CEP112: variants seen among roughly 807,000 people sequenced by gnomAD.
The protein encoded by CEP112 is centrosomal protein 112.
In CEP112, 127 loss-of-function variants were observed where a neutral mutation model predicts 153.0. The ratio of observed to expected loss-of-function variants is 0.83; its 90% confidence interval spans 0.72 to 0.96. The LOEUF is 0.96. Among genes scored for constraint, CEP112 ranks in the 40% least tolerant of loss-of-function variants. The probability of loss-of-function intolerance (pLI) is 0.00; values close to 1 mark genes in which losing one functional copy is unlikely to be tolerated. For synonymous variants in CEP112, 358 were observed against 374.4 expected, an observed-to-expected ratio of 0.96 and a Z score of 0.51; for missense variants, 1,089 against 1,101.2, an observed-to-expected ratio of 0.99 and a Z score of 0.16.
At chr17:66,175,631 G>T (rs2072438520) in intron 3 of CEP112, among the ~76,000 whole-genome samples, 1 of 152,144 alleles carries the variant, frequency 6.6e-6, no homozygotes, top group African/African-American at 2.4e-5. Context: ...TGCAACCCAG[G>T]AATTAAAATT....
chr17:66,028,950 C>A (rs11651749), intron 14 of CEP112, among the ~76,000 whole-genome samples, 173 bp downstream of exon 14: 78,167 of 151,854 alleles, frequency 0.51, 21,033 homozygotes, highest in African/African-American at 0.59. Context: ...GTAGACATTT[C>A]GAATTTTAAA....
chr17:65,847,898 G>A (rs983231785), intron 21 of CEP112, among the ~76,000 whole-genome samples: 22 of 152,300 alleles, frequency 1.4e-4, no homozygotes, highest in Non-Finnish European at 1.8e-4. Flanking sequence ...GGAAGAGGGT[G>A]ACAGCAGCTG....
At chr17:65,767,071 C>T (rs1308442211) in intron 21 of CEP112, among the ~76,000 whole-genome samples, 1 of 152,126 alleles carries the variant, frequency 6.6e-6, no homozygotes, top group African/African-American at 2.4e-5. Context: ...TTCTATCCAA[C>T]AGCAACAAAA....
intron 1 of CEP112, among the ~76,000 whole-genome samples, chr17:66,186,585 A>G (rs116873022): frequency 0.034 from 5,192 of 152,214 alleles, 131 homozygotes; most frequent in Middle Eastern, 0.061. Context: ...CACCATGCCC[A>G]GCTGCCTCTT....
intron 17 of CEP112, among the ~76,000 whole-genome samples, chr17:65,990,976 A>G (rs1199782774): frequency 1.3e-5 from 2 of 152,168 alleles, no homozygotes; most frequent in Non-Finnish European, 2.9e-5. Flanking sequence ...CCTGCTAACT[A>G]AAGAGCCTCT....
intron 6 of CEP112, among the ~76,000 whole-genome samples, chr17:66,112,949 A>G (rs2069125124): frequency 6.6e-6 from 1 of 151,964 alleles, no homozygotes; most frequent in South Asian, 2.1e-4. Context: ...CTGTCTCATA[A>G]TCCCAGCTAC....
chr17:65,636,967 T>G, intron 26 of CEP112, 157 bp downstream of exon 26: 2 of 615,680 alleles, frequency 3.2e-6, no homozygotes, highest in East Asian at 2.8e-5. Flanking sequence ...AGAAGGGGGG[T>G]GACTTCTTAA....
At chr17:65,948,016 A>G (rs1334234327) in intron 18 of CEP112, among the ~76,000 whole-genome samples, 2 of 152,166 alleles carry the variant, frequency 1.3e-5, no homozygotes, top group Non-Finnish European at 2.9e-5. Context: ...TTCTTATCCA[A>G]TGACACATAA....
intron 22 of CEP112, among the ~76,000 whole-genome samples, chr17:65,744,964 T>C (rs991178775): frequency 6.6e-6 from 1 of 152,190 alleles, no homozygotes; most frequent in Non-Finnish European, 1.5e-5. Context: ...GGACAAGTTA[T>C]CTTTCTTGAA....
chr17:66,059,940 T>C (rs568506615), intron 11 of CEP112, among the ~76,000 whole-genome samples: 8 of 152,202 alleles, frequency 5.3e-5, no homozygotes, highest in African/African-American at 1.4e-4. Context: ...ATGTGGTACA[T>C]ATACACCATG....
intron 4 of CEP112, among the ~76,000 whole-genome samples, chr17:66,147,704 T>C (rs2070983466): frequency 6.6e-6 from 1 of 152,164 alleles, no homozygotes; most frequent in Non-Finnish European, 1.5e-5. Flanking sequence ...AAAGTGAGAG[T>C]CCAACTTAAT....
At chr17:66,058,669 G>A (rs1054831719) in intron 11 of CEP112, among the ~76,000 whole-genome samples, 4 of 152,030 alleles carry the variant, frequency 2.6e-5, no homozygotes, top group African/African-American at 9.7e-5. Context: ...GGGCAACATA[G>A]TGAGACCCCA....
chr17:66,016,269 A>G (rs1331753727), intron 16 of CEP112, among the ~76,000 whole-genome samples: 2 of 152,140 alleles, frequency 1.3e-5, no homozygotes, highest in African/African-American at 4.8e-5. Flanking sequence ...GCTTTCCCAC[A>G]GACTCCATTT....
intron 21 of CEP112, among the ~76,000 whole-genome samples, chr17:65,769,418 AC>A (rs1300151817): frequency 3.4e-5 from 5 of 147,542 alleles, no homozygotes; most frequent in African/African-American, 5.0e-5. Context: ...AGAAAAAAAA[AC>A]CTAAAATTCA....
chr17:65,815,984 C>T (rs2056241294), intron 21 of CEP112, among the ~76,000 whole-genome samples: 1 of 151,818 alleles, frequency 6.6e-6, no homozygotes, highest in Non-Finnish European at 1.5e-5. Context: ...CTTTTTCTTG[C>T]CTTGTTGCAC....
intron 23 of CEP112, among the ~76,000 whole-genome samples, chr17:65,737,798 G>A (rs895675760): frequency 2.6e-5 from 4 of 152,180 alleles, no homozygotes; most frequent in Admixed American, 6.5e-5. Context: ...TATCTCAGTC[G>A]CTTACTGAAT....
intron 19 of CEP112, among the ~76,000 whole-genome samples, chr17:65,919,597 C>A (rs555012591): frequency 3.9e-5 from 6 of 152,076 alleles, no homozygotes; most frequent in Non-Finnish European, 8.8e-5. Flanking sequence ...TCAGAGAAGT[C>A]GGTCTGTCAA....
chr17:65,666,050 T>G (rs550023640), intron 24 of CEP112, among the ~76,000 whole-genome samples: 1 of 152,320 alleles, frequency 6.6e-6, no homozygotes, highest in South Asian at 2.1e-4. Flanking sequence ...CTTGCCTACT[T>G]TCTGAATTAA....
chr17:65,913,751 C>A lies in CEP112; in HGVS notation c.1981-11417G>T. 3.0e-6 allele frequency: 3 copies of A among 985,442 alleles called. No individual in the cohort carries two copies. The South Asian group carries it at 1.4e-4, about 46-fold the overall frequency. The allele number at this position is 985,442 out of a possible 1,614,324, so 61.0% of individuals were successfully genotyped here. A position where few individuals can be genotyped will look rare whatever the true frequency, so the allele number is the denominator to read the frequency against. On this transcript the variant is annotated intron_variant, in intron 19 of 26. Coordinates refer to ENST00000535342, the MANE Select transcript of CEP112 (RefSeq NM_001199165.4). ...CATCAACAGCCAGGACTACTGCCTG[C>A]TGAAGCTCCCGAAGCTCATGATACA...
Sources: gnomAD v4.1 joint callset for allele counts (sites outside exome capture counted in the v4.1 genomes callset) on GRCh38, gnomAD v4.1.1 for gene constraint, MANE v1.5 for transcripts, NCBI Gene and HGNC (gene_info 2026-07-23, HGNC 2026-07-21) for gene names.